The following ARHGAP24 variants were observed in gnomAD, a reference collection of about 807,000 sequenced individuals.
ARHGAP24 encodes Rho GTPase activating protein 24, also known as rho GTPase-activating protein 24.
Under a neutral mutation model 76.4 loss-of-function variants are expected in ARHGAP24, and 50 were observed. That is an observed-to-expected ratio of 0.65 (90% CI 0.52 to 0.83). The LOEUF (loss-of-function observed/expected upper bound fraction) is 0.83, where lower values mean the gene tolerates loss of function less well. Ranked by LOEUF, ARHGAP24 falls within the 40% of genes least tolerant of loss-of-function variation. The pLI is 0.00. For synonymous variants in ARHGAP24, 345 were observed against 323.3 expected, an observed-to-expected ratio of 1.07 and a Z score of -0.72; for missense variants, 930 against 914.2, an observed-to-expected ratio of 1.02 and a Z score of -0.22.
intron 3 of ARHGAP24, among the ~76,000 whole-genome samples, chr4:85,827,518 T>TGTGTG (rs1368669294): frequency 5.2e-4 from 30 of 57,918 alleles, no homozygotes; most frequent in African/African-American, 7.6e-4. Context: ...GTGTGTGTGT[T>TGTGTG]TAGAGAGAGA....
rs144057686 is a variant in ARHGAP24, at chr4:85,725,599, G to C, written c.268+3627G>C. ...CATAGCCCCTTCACACTGACTGGTC[G>C]TTACAGACTTTCCTCTCTAAAGGCT... is the stretch of plus-strand genomic sequence containing the variant. On this transcript the variant is annotated intron_variant, in intron 3 of 9. Transcript: ENST00000395184. Among the ~76,000 whole-genome samples the C allele has an allele frequency of 5.3e-3, 806 of 152,314 alleles. 7 individuals are homozygous for C. Among genetic ancestry groups the C allele is most frequent in the African/African-American group, 0.018 (762 of 41,562 alleles).
intron 2 of ARHGAP24, among the ~76,000 whole-genome samples, chr4:85,664,644 G>A (rs201129117): frequency 0.34 from 50,211 of 149,274 alleles, 9,396 homozygotes; most frequent in East Asian, 0.84. Flanking sequence ...TCTCTTGTGG[G>A]CATTTAGTGC....
chr4:85,614,429 C>A (rs1187517264), intron 2 of ARHGAP24, among the ~76,000 whole-genome samples: 1 of 151,838 alleles, frequency 6.6e-6, no homozygotes, highest in African/African-American at 2.4e-5. Flanking sequence ...AGTCAGAGAT[C>A]GCATCTAGAG....
chr4:85,706,689 C>G (rs1724321289), intron 2 of ARHGAP24, among the ~76,000 whole-genome samples: 1 of 151,932 alleles, frequency 6.6e-6, no homozygotes, highest in Non-Finnish European at 1.5e-5. Context: ...CCTCAGCCTC[C>G]TGAGTAGCTG....
At chr4:85,837,448 C>T (rs1730351176) in intron 3 of ARHGAP24, among the ~76,000 whole-genome samples, 1 of 151,998 alleles carries the variant, frequency 6.6e-6, no homozygotes, top group African/African-American at 2.4e-5. Context: ...GGTCTTTGCA[C>T]GTCCCTAAAG....
chr4:85,796,998 G>T (rs1728368439), intron 3 of ARHGAP24, among the ~76,000 whole-genome samples: 1 of 152,178 alleles, frequency 6.6e-6, no homozygotes, highest in Non-Finnish European at 1.5e-5. Context: ...CACTGGAGGG[G>T]CTGGGTGCTG....
chr4:85,897,899 G>C (rs1194145189), intron 3 of ARHGAP24, among the ~76,000 whole-genome samples: 2 of 151,876 alleles, frequency 1.3e-5, no homozygotes, highest in Admixed American at 6.6e-5. Context: ...ACGCAAATGT[G>C]TGGCTGCGTC....
At chr4:85,655,058 A>G (rs1278441116) in intron 2 of ARHGAP24, among the ~76,000 whole-genome samples, 3 of 152,160 alleles carry the variant, frequency 2.0e-5, no homozygotes, top group Non-Finnish European at 2.9e-5. Context: ...ATTCCTTAGA[A>G]TATTTTTTGT....
At chr4:85,923,518 A>G in intron 3 of ARHGAP24, 130 bp from the exon 4 acceptor site, 1 of 1,309,944 alleles carries the variant, frequency 7.6e-7, no homozygotes. Context: ...CATGGTAAAT[A>G]TTTCATCATT....
chr4:85,515,487 CATAT>C (rs139510233), intron 1 of ARHGAP24, among the ~76,000 whole-genome samples: 3 of 144,990 alleles, frequency 2.1e-5, no homozygotes, highest in Admixed American at 6.9e-5. Flanking sequence ...TAAACTAGGA[CATAT>C]ATATATATAT....
At chr4:85,590,798 T>C (rs954879649) in intron 2 of ARHGAP24, among the ~76,000 whole-genome samples, 1 of 152,184 alleles carries the variant, frequency 6.6e-6, no homozygotes, top group African/African-American at 2.4e-5. Flanking sequence ...AAAATTATTA[T>C]TGTACTTTTA....
chr4:85,962,215 G>A (rs780002404), intron 5 of ARHGAP24, among the ~76,000 whole-genome samples: 2 of 152,004 alleles, frequency 1.3e-5, no homozygotes, highest in Non-Finnish European at 2.9e-5. Flanking sequence ...CATGAAAATT[G>A]GAACAGCTAT....
At chr4:85,511,392 T>A (rs567313630) in intron 1 of ARHGAP24, among the ~76,000 whole-genome samples, 40 of 152,136 alleles carry the variant, frequency 2.6e-4, no homozygotes, top group Non-Finnish European at 5.4e-4. Context: ...TATAACGAAG[T>A]ACCACAAACT....
At chr4:85,823,825 C>T (rs58134223) in intron 3 of ARHGAP24, among the ~76,000 whole-genome samples, 34,824 of 151,666 alleles carry the variant, frequency 0.23, 4,848 homozygotes, top group East Asian at 0.51. Flanking sequence ...CTGCCTTTCT[C>T]CCTTCTTCCC....
chr4:85,919,571 C>T (rs116464322), intron 3 of ARHGAP24, among the ~76,000 whole-genome samples: 2,553 of 152,228 alleles, frequency 0.017, 74 homozygotes, highest in African/African-American at 0.059. Flanking sequence ...AGATGAAATT[C>T]ACAGATGGGA....
chr4:85,973,795 G>A (rs531874096), intron 6 of ARHGAP24, among the ~76,000 whole-genome samples: 28 of 136,410 alleles, frequency 2.1e-4, no homozygotes, highest in Middle Eastern at 4.1e-3. Context: ...TCCCCCATTA[G>A]ATTTTCTTGG....
At chr4:85,843,277 A>G (rs979952882) in intron 3 of ARHGAP24, among the ~76,000 whole-genome samples, 1 of 152,140 alleles carries the variant, frequency 6.6e-6, no homozygotes, top group Admixed American at 6.6e-5. Context: ...ATAGATTAGC[A>G]TAATTGAAAA....
At chr4:85,992,417 G>A (rs1740391532) in intron 8 of ARHGAP24, among the ~76,000 whole-genome samples, 2 of 151,988 alleles carry the variant, frequency 1.3e-5, no homozygotes, top group South Asian at 4.1e-4. Context: ...ACTTTGACAT[G>A]GCTGTTCACA....
intron 3 of ARHGAP24, among the ~76,000 whole-genome samples, chr4:85,864,240 A>G (rs1459086232): frequency 6.6e-6 from 1 of 152,140 alleles, no homozygotes; most frequent in African/African-American, 2.4e-5. Context: ...TTCATTAAAA[A>G]GAAAAGCCTT....
Sources: allele counts gnomAD v4.1 joint callset (sites outside exome capture counted in the v4.1 genomes callset), GRCh38; gene constraint gnomAD v4.1.1; transcripts MANE v1.5; gene names NCBI Gene and HGNC (gene_info 2026-07-23, HGNC 2026-07-21).